Variants in FYB1 observed in about 807,000 individuals in gnomAD.
The protein encoded by FYB1 is FYN-binding protein 1.
A neutral mutation model predicts 94.1 loss-of-function variants in FYB1; 41 were observed. That is an observed-to-expected ratio of 0.44 (90% CI 0.34 to 0.57). The LOEUF (loss-of-function observed/expected upper bound fraction) is 0.57. Ranked by LOEUF, FYB1 falls within the 20% of genes least tolerant of loss-of-function variation. The probability of loss-of-function intolerance (pLI) is 0.02; values close to 1 mark genes in which losing one functional copy is unlikely to be tolerated. For missense variants in FYB1, 1,050 were observed against 976.8 expected, an observed-to-expected ratio of 1.07 and a Z score of -1.00; for synonymous variants, 367 against 353.2, an observed-to-expected ratio of 1.04 and a Z score of -0.44.
intron 9 of FYB1, among the ~76,000 whole-genome samples, chr5:39,133,377 G>C (rs567984194): frequency 1.2e-4 from 18 of 152,198 alleles, no homozygotes; most frequent in African/African-American, 3.6e-4. Context: ...TTCAACTTGA[G>C]GGGATTATGG....
chr5:39,272,373 T>C (rs1167615020), intron 1 of FYB1, among the ~76,000 whole-genome samples: 1 of 151,938 alleles, frequency 6.6e-6, no homozygotes, highest in African/African-American at 2.4e-5. Context: ...ACATAAAAAT[T>C]ACTTAATCAG....
chr5:39,264,504 C>T (rs1278464303), intron 1 of FYB1, among the ~76,000 whole-genome samples: 1 of 152,222 alleles, frequency 6.6e-6, no homozygotes, highest in Non-Finnish European at 1.5e-5. Context: ...GTGGCCACTG[C>T]CTGTTCCATA....
chr5:39,188,821 C>T (rs1382220451), intron 2 of FYB1, among the ~76,000 whole-genome samples: 1 of 152,170 alleles, frequency 6.6e-6, no homozygotes, highest in Non-Finnish European at 1.5e-5. Flanking sequence ...GCGTGAGCCA[C>T]TGCGCCCGTC....
chr5:39,131,305 T>A (rs942165585), intron 9 of FYB1, among the ~76,000 whole-genome samples: 4 of 152,122 alleles, frequency 2.6e-5, no homozygotes, highest in Non-Finnish European at 5.9e-5. Context: ...ATGGAAAAAA[T>A]CCCAGAAATC....
chr5:39,208,904 A>G (rs1258776532), intron 1 of FYB1: 1 of 152,240 alleles, frequency 6.6e-6, no homozygotes, highest in Non-Finnish European at 1.5e-5. Flanking sequence ...AATTTGTAAT[A>G]GATTCAAGCA....
intron 1 of FYB1, among the ~76,000 whole-genome samples, chr5:39,252,002 T>C (rs261741): frequency 0.98 from 149,396 of 152,134 alleles, 73,418 homozygotes; most frequent in East Asian, 1. Flanking sequence ...AAATTTAGCC[T>C]GGAGTGGTGG....
intron 1 of FYB1, among the ~76,000 whole-genome samples, chr5:39,217,553 C>T (rs1314672423): frequency 6.6e-6 from 1 of 152,154 alleles, no homozygotes; most frequent in Non-Finnish European, 1.5e-5. Context: ...CAGGGATCAC[C>T]TCAAAACAGG....
At chr5:39,162,773 C>A (rs1238385934) in intron 2 of FYB1, among the ~76,000 whole-genome samples, 1 of 151,458 alleles carries the variant, frequency 6.6e-6, no homozygotes, top group Non-Finnish European at 1.5e-5. Flanking sequence ...ACTTCACTGG[C>A]ATGTATATTA....
At chr5:39,109,359 A>G (rs924783835) in intron 17 of FYB1, among the ~76,000 whole-genome samples, 2 of 152,114 alleles carry the variant, frequency 1.3e-5, no homozygotes, top group South Asian at 2.1e-4. Context: ...ACCAACAATT[A>G]CTTACAGAGT....
At chr5:39,114,811 G>A (rs189741182) in intron 16 of FYB1, among the ~76,000 whole-genome samples, 8 of 152,280 alleles carry the variant, frequency 5.3e-5, no homozygotes, top group Non-Finnish European at 1.0e-4. Flanking sequence ...CCCACGCAAG[G>A]TGCAAGGCAT....
intron 1 of FYB1, among the ~76,000 whole-genome samples, chr5:39,225,855 C>T (rs1185588145): frequency 1.3e-5 from 2 of 152,166 alleles, no homozygotes; most frequent in Non-Finnish European, 2.9e-5. Context: ...AGGGATCTTT[C>T]AACAAAACCA....
intron 1 of FYB1, among the ~76,000 whole-genome samples, chr5:39,239,703 A>G (rs1318209656): frequency 6.6e-6 from 1 of 152,218 alleles, no homozygotes; most frequent in African/African-American, 2.4e-5. Context: ...CATGGATTGG[A>G]AGAATCAATA....
intron 1 of FYB1, among the ~76,000 whole-genome samples, chr5:39,211,552 G>A (rs943360726): frequency 6.6e-6 from 1 of 151,826 alleles, no homozygotes; most frequent in Non-Finnish European, 1.5e-5. Context: ...CTCTTGATCC[G>A]CCTGCCTCGG....
chr5:39,261,265 T>G (rs1752194730), intron 1 of FYB1, among the ~76,000 whole-genome samples: 1 of 147,862 alleles, frequency 6.8e-6, no homozygotes, highest in African/African-American at 2.5e-5. Context: ...GTGACAAACC[T>G]GCACGTTCTG....
intron 2 of FYB1, among the ~76,000 whole-genome samples, chr5:39,163,911 A>G (rs955986841): frequency 3.3e-5 from 5 of 152,244 alleles, no homozygotes; most frequent in African/African-American, 1.2e-4. Flanking sequence ...ATAGGAGCAA[A>G]GAAAGCACTA....
At chr5:39,201,730 G>C in intron 2 of FYB1, 96 bp downstream of exon 2, 1 of 1,114,490 alleles carries the variant, frequency 9.0e-7, no homozygotes, top group Non-Finnish European at 1.3e-6. Context: ...ACCAGATATA[G>C]AGAATCATTC....
chr5:39,208,286 C>T (rs542714358), intron 1 of FYB1, among the ~76,000 whole-genome samples: 1 of 152,274 alleles, frequency 6.6e-6, no homozygotes, highest in South Asian at 2.1e-4. Context: ...TGAATCTCTG[C>T]TGTGGCTGCT....
At chr5:39,246,329 C>G (rs1487583390) in intron 1 of FYB1, among the ~76,000 whole-genome samples, 3 of 152,154 alleles carry the variant, frequency 2.0e-5, no homozygotes, top group Non-Finnish European at 4.4e-5. Context: ...TATGTTTTCT[C>G]TTGTATGCTA....
chr5:39,110,668 T>G (rs1738985098), intron 16 of FYB1: 1 of 309,846 alleles, frequency 3.2e-6, no homozygotes, highest in Non-Finnish European at 6.1e-6. Flanking sequence ...CTTTTTTCAT[T>G]AAGCTACTGT....
Sources: gnomAD v4.1 joint callset for allele counts (sites outside exome capture counted in the v4.1 genomes callset) on GRCh38, gnomAD v4.1.1 for gene constraint, MANE v1.5 for transcripts, NCBI Gene and HGNC (gene_info 2026-07-23, HGNC 2026-07-21) for gene names.